The following SELENOS variants were observed in gnomAD, a reference collection of about 807,000 sequenced individuals.
SELENOS encodes VCP interacting membrane selenoprotein.
A neutral mutation model predicts 30.2 loss-of-function variants in SELENOS; 37 were observed. That is an observed-to-expected ratio of 1.23 (90% CI 0.94 to 1.61). SELENOS has a LOEUF of 1.61. Ranked by LOEUF, SELENOS falls within the 40% of genes most tolerant of loss-of-function variation. The pLI is 0.00. For synonymous variants in SELENOS, 119 were observed against 91.6 expected (o/e 1.30, Z -1.71); for missense variants, 289 against 231.8 (o/e 1.25, Z -1.60).
intron 3 of SELENOS, 74 bp downstream of exon 3, chr15:101,275,181 C>T: frequency 1.5e-6 from 2 of 1,318,400 alleles, no homozygotes; most frequent in Admixed American, 2.8e-5. Flanking sequence ...ATAGACAACA[C>T]AGACACAGGC....
At chr15:101,274,553 T>TC (rs1341491500) in intron 4 of SELENOS, 39 bp downstream of exon 4, 1 of 1,610,408 alleles carries the variant, frequency 6.2e-7, no homozygotes, top group Non-Finnish European at 8.5e-7. Flanking sequence ...TTGGCAATCT[T>TC]CATCTACCGC....
At chr15:101,275,634 T>C (rs1471460509) in intron 2 of SELENOS, among the ~76,000 whole-genome samples, 23 of 152,088 alleles carry the variant, frequency 1.5e-4, no homozygotes, top group Admixed American at 1.4e-3. Context: ...GCAATTCCGA[T>C]TCATAAAGCC....
chr15:101,275,320 C>T lies in SELENOS; in HGVS notation c.253G>A (p.Ala85Thr), dbSNP rs2039313102. 4.4e-6 allele frequency: 7 copies of T among 1,582,626 alleles called. No homozygotes were observed. The highest frequency in any genetic ancestry group is 2.3e-5 in the South Asian group (2 of 85,784). The stretch of plus-strand genomic sequence containing the variant: ...AGTTCTTCTTGCATTTTCAGTCGAG[C>T]AGCTGCTAAAGCTTCTTGTCGTTTA... ...VVKRQEALAA[A>T]RLKMQEELNA... Residue 85 changes from alanine (A) to threonine (T), a missense_variant, in exon 3 of 6, where the codon GCT becomes ACT. Coordinates refer to ENST00000526049, the MANE Select transcript of SELENOS (RefSeq NM_018445.6).
chr15:101,274,517 T>C (rs754442162), intron 4 of SELENOS, 22 bp from the exon 5 acceptor site: 12 of 1,607,000 alleles, frequency 7.5e-6, no homozygotes, highest in African/African-American at 1.3e-5. Flanking sequence ...CACACAGTAG[T>C]GTAAGAAGCA....
chr15:101,276,652 C>T lies in SELENOS; in HGVS notation c.100G>A (p.Gly34Ser), dbSNP rs1030534218. Reference protein sequence around the residue: ...TTVGSLLATYGWYIVFSCILL... With the variant: ...TTVGSLLATYSWYIVFSCILL... ...ATGCAGCTGAAGACGATGTACCAGC[C>T]ATAGGTGGCCAGCAGGGAGCCCACT... Residue 34 changes from glycine to serine, a missense_variant, in exon 2 of 6, where the codon GGC (glycine) becomes AGC (serine). Physicochemically the swap from Gly to Ser is moderately conservative, Grantham distance 56. Transcript: ENST00000526049. The T allele has an allele frequency of 3.7e-6, 6 of 1,610,102 alleles. No individual in the cohort carries two copies. Among genetic ancestry groups the T allele is most frequent in the African/African-American group, 2.7e-5 (2 of 74,550 alleles).
At chr15:101,277,158 C>A (rs1415447973) in intron 1 of SELENOS, 184 bp downstream of exon 1, 2 of 1,037,236 alleles carry the variant, frequency 1.9e-6, no homozygotes, top group Non-Finnish European at 2.9e-6. Flanking sequence ...CAGGGAAGTG[C>A]GGCTCCCGAG....
chr15:101,276,711 G>T, intron 1 of SELENOS, 36 bp from the exon 2 acceptor site: 2 of 1,591,758 alleles, frequency 1.3e-6, no homozygotes, highest in South Asian at 2.3e-5. Context: ...AACTAAAAAT[G>T]ACACTACTAG....
chr15:101,277,200 C>A (rs1052960929), intron 1 of SELENOS, 142 bp downstream of exon 1: 125 of 1,389,964 alleles, frequency 9.0e-5, no homozygotes, highest in Middle Eastern at 8.7e-4. Flanking sequence ...GCCTGCTGCC[C>A]AAGGTCCGCG....
At chr15:101,276,842 G>T in intron 1 of SELENOS, 167 bp from the exon 2 acceptor site, 1 of 743,982 alleles carries the variant, frequency 1.3e-6, no homozygotes, top group Non-Finnish European at 2.1e-6. Context: ...CAAGAAGTGC[G>T]ACAATTCAGG....
In SELENOS at chr15:101,277,128, C is replaced by A. The variant is rs867830348; in HGVS notation, c.76+214G>T. ...GGTTCGCAAAAAAGACTTGCGCAAA[C>A]AAGGGACAGCCGAGCCGCCCAGGGA... On this transcript the variant is annotated intron_variant, in intron 1 of 5. Transcript: ENST00000526049. 3.7e-5 allele frequency: 31 copies of A among 841,970 alleles called. No homozygotes were observed. In the African/African-American group the frequency reaches 4.9e-4, roughly 13 times the overall value. 52.2% of individuals were successfully genotyped at this position (841,970 alleles called of 1,614,324 possible).
At chr15:101,271,065 T>C (rs2039262680), downstream of SELENOS, 1 of 152,216 alleles carries the variant, frequency 6.6e-6, no homozygotes, top group Non-Finnish European at 1.5e-5. Context: ...TAACAAACTC[T>C]TGTGTTGAGG....
chr15:101,277,335 G>C lies in SELENOS; in HGVS notation c.76+7C>G. 1.3e-6 allele frequency: 2 copies of C among 1,514,680 alleles called. No homozygotes were observed. Among genetic ancestry groups the C allele is most frequent in the South Asian group, 1.2e-5 (1 of 81,300 alleles). The allele number at this position is 1,514,680 out of a possible 1,614,324, so 93.8% of individuals were successfully genotyped here. Reference sequence around the variant, plus strand: ...GGCGCGCGCCCGGCTGCCCCGCAACGACTCACCCGTGGTGTGCAGGAAGCG... The same window carrying C: ...GGCGCGCGCCCGGCTGCCCCGCAACCACTCACCCGTGGTGTGCAGGAAGCG... On this transcript the variant is annotated splice_region_variant and intron_variant, in intron 1 of 5. Coordinates refer to ENST00000526049, the MANE Select transcript of SELENOS (RefSeq NM_018445.6).
chr15:101,276,545 A>G lies in SELENOS; in HGVS notation c.207T>C (p.Ala69=), dbSNP rs528327291. 1.5e-5 allele frequency: 24 copies of G among 1,603,980 alleles called. No homozygotes were observed. Among genetic ancestry groups the G allele is most frequent in the Non-Finnish European group, 2.0e-5 (23 of 1,176,936 alleles). ...TTTCGGTTATCAGGCACTAACCCAC[A>G]GCAGCCGCAGCTCGGTCCAGCTGCC... The part of the protein sequence containing the change: ...RQRQLDRAAA[A]VEPDVVVKRQ... The change falls in exon 2 of 6, where the codon GCT becomes GCC. Residue 69 remains alanine, a synonymous_variant. Transcript: ENST00000526049.
intron 2 of SELENOS, 43 bp from the exon 3 acceptor site, chr15:101,275,404 T>A (rs746277294): frequency 2.1e-6 from 3 of 1,451,788 alleles, no homozygotes; most frequent in Non-Finnish European, 2.7e-6. Flanking sequence ...CTGTGTACAA[T>A]ATAAAATAGA....
chr15:101,272,395 G>A lies in SELENOS; in HGVS notation c.*376C>T, dbSNP rs180971075. The A allele has an allele frequency of 2.3e-4, 41 of 176,564 alleles. No homozygotes were observed. Among genetic ancestry groups the A allele is most frequent in the African/African-American group, 9.4e-4 (40 of 42,414 alleles). The allele number at this position is 176,564 out of a possible 1,614,324, so 10.9% of individuals were successfully genotyped here. On this transcript the variant is annotated 3_prime_UTR_variant, in exon 6 of 6. Coordinates refer to ENST00000526049, the MANE Select transcript of SELENOS (RefSeq NM_018445.6). ...TCACTGGTGGGCTCACCATTGATAAGGAAGACATCATTCAACGCAACCTGT... is the reference window on the plus strand; with the variant it reads ...TCACTGGTGGGCTCACCATTGATAAAGAAGACATCATTCAACGCAACCTGT...
At chr15:101,276,343 G>C (rs977067957) in intron 2 of SELENOS, 198 bp downstream of exon 2, 18 of 551,802 alleles carry the variant, frequency 3.3e-5, no homozygotes, top group African/African-American at 2.6e-4. Context: ...TGACTCCCTG[G>C]ACTCAAGTGA....
At chr15:101,275,615 T>C (rs1338999635) in intron 2 of SELENOS, among the ~76,000 whole-genome samples, 3 of 152,066 alleles carry the variant, frequency 2.0e-5, no homozygotes, top group Non-Finnish European at 2.9e-5. Context: ...AATTTCTGAG[T>C]TCCCCTGAGC....
Position 101,275,321 on chromosome 15 carries a change from A to G in SELENOS, c.252T>C (p.Ala84=). 6.3e-7 allele frequency: 1 copy of G among 1,581,524 alleles called. No individual in the cohort carries two copies. Among genetic ancestry groups the G allele is most frequent in the African/African-American group, 1.3e-5 (1 of 74,490 alleles). The part of the protein sequence containing the change: ...VVVKRQEALA[A]ARLKMQEELN... Reference sequence around the variant, plus strand: ...GTTCTTCTTGCATTTTCAGTCGAGCAGCTGCTAAAGCTTCTTGTCGTTTAA... The same window carrying G: ...GTTCTTCTTGCATTTTCAGTCGAGCGGCTGCTAAAGCTTCTTGTCGTTTAA... The change falls in exon 3 of 6, where the codon GCT becomes GCC. Residue 84 remains alanine (A), a synonymous_variant. Coordinates refer to ENST00000526049, the MANE Select transcript of SELENOS (RefSeq NM_018445.6).
At chr15:101,273,055 T>C (rs1281933317) in intron 5 of SELENOS, among the ~76,000 whole-genome samples, 199 bp from the exon 6 acceptor site, 1 of 151,908 alleles carries the variant, frequency 6.6e-6, no homozygotes, top group Non-Finnish European at 1.5e-5. Context: ...GAACTGATTG[T>C]CTGGTGGGGA....
Sources: gnomAD v4.1 joint callset for allele counts (sites outside exome capture counted in the v4.1 genomes callset) on GRCh38, gnomAD v4.1.1 for gene constraint, MANE v1.5 for transcripts, NCBI Gene and HGNC (gene_info 2026-07-23, HGNC 2026-07-21) for gene names.